Variants in RERG observed in about 807,000 individuals in gnomAD.
RERG encodes RAS like estrogen regulated growth inhibitor.
In RERG, 25 loss-of-function variants were observed where a neutral mutation model predicts 23.2. The ratio of observed to expected loss-of-function variants is 1.08; its 90% CI spans 0.79 to 1.50. The LOEUF (loss-of-function observed/expected upper bound fraction) is 1.50, where lower values mean the gene tolerates loss of function less well. Ranked by LOEUF, RERG falls within the 40% of genes most tolerant of loss-of-function variation. The pLI is 0.00. For missense variants in RERG, 253 were observed against 250.1 expected (o/e 1.01, Z -0.08); for synonymous variants, 81 against 89.1 (o/e 0.91, Z 0.51).
intron 4 of RERG, among the ~76,000 whole-genome samples, chr12:15,110,493 T>TTTTTTTTTTTA (rs1863591659): frequency 1.6e-5 from 2 of 126,190 alleles, no homozygotes; most frequent in African/African-American, 6.2e-5. Context: ...TTTTTTTTTT[T>TTTTTTTTTTTA]ACTGAGACGG....
At chr12:15,124,322 G>C (rs1315766827) in intron 2 of RERG, among the ~76,000 whole-genome samples, 1 of 151,976 alleles carries the variant, frequency 6.6e-6, no homozygotes. Flanking sequence ...GCCAGATTTA[G>C]TTTCAGAATA....
intron 2 of RERG, among the ~76,000 whole-genome samples, chr12:15,147,336 AC>A (rs778778588): frequency 1.3e-5 from 2 of 152,244 alleles, no homozygotes; most frequent in Admixed American, 6.5e-5. Context: ...CAGCAAAAAA[AC>A]ATTTTGTAAC....
intron 2 of RERG, among the ~76,000 whole-genome samples, chr12:15,210,772 T>C (rs1464575349): frequency 6.6e-6 from 1 of 152,140 alleles, no homozygotes; most frequent in Non-Finnish European, 1.5e-5. Flanking sequence ...CAAATTACAA[T>C]GGACTCATCT....
chr12:15,126,663 G>A (rs947244860), intron 2 of RERG, among the ~76,000 whole-genome samples: 1 of 150,840 alleles, frequency 6.6e-6, no homozygotes, highest in Non-Finnish European at 1.5e-5. Context: ...AAGGGGAAAA[G>A]AAACACATAT....
intron 2 of RERG, among the ~76,000 whole-genome samples, chr12:15,205,963 C>G (rs530215256): frequency 1.3e-5 from 2 of 152,094 alleles, no homozygotes; most frequent in South Asian, 4.1e-4. Flanking sequence ...TTATCTAAGA[C>G]TTAACTATAT....
intron 2 of RERG, among the ~76,000 whole-genome samples, chr12:15,126,863 G>T (rs956066363): frequency 6.6e-6 from 1 of 150,988 alleles, no homozygotes; most frequent in African/African-American, 2.4e-5. Flanking sequence ...GACTACAGGC[G>T]CAACCCGCCA....
intron 2 of RERG, among the ~76,000 whole-genome samples, chr12:15,165,968 C>G (rs953724023): frequency 6.6e-6 from 1 of 152,142 alleles, no homozygotes; most frequent in African/African-American, 2.4e-5. Context: ...CTAGGTACAC[C>G]TAGGTCACTA....
At chr12:15,149,385 C>CA (rs1273550383) in intron 2 of RERG, among the ~76,000 whole-genome samples, 2 of 151,512 alleles carry the variant, frequency 1.3e-5, no homozygotes, top group African/African-American at 4.9e-5. Context: ...TATTTAAAGC[C>CA]AAAAAAATGT....
intron 2 of RERG, among the ~76,000 whole-genome samples, chr12:15,142,559 T>A (rs889714405): frequency 6.6e-6 from 1 of 152,226 alleles, no homozygotes; most frequent in Non-Finnish European, 1.5e-5. Context: ...ATGGTTGATA[T>A]GGCTCATGCA....
intron 2 of RERG, among the ~76,000 whole-genome samples, chr12:15,212,977 G>T (rs527269876): frequency 2.0e-5 from 3 of 152,226 alleles, no homozygotes; most frequent in South Asian, 4.1e-4. Flanking sequence ...TTGTGCCACG[G>T]AAAAAAATAT....
chr12:15,206,867 C>T (rs1477259195), intron 2 of RERG, among the ~76,000 whole-genome samples: 2 of 152,076 alleles, frequency 1.3e-5, no homozygotes, highest in African/African-American at 4.8e-5. Flanking sequence ...CACTGTTAGG[C>T]ACTTTCTGTA....
intron 2 of RERG, among the ~76,000 whole-genome samples, chr12:15,214,756 A>AG (rs2136149961): frequency 6.6e-6 from 1 of 152,272 alleles, no homozygotes; most frequent in South Asian, 2.1e-4. Flanking sequence ...TCAAGGTGGG[A>AG]GGATCTCTTG....
intron 2 of RERG, among the ~76,000 whole-genome samples, chr12:15,145,916 T>C (rs576540547): frequency 6.6e-6 from 1 of 152,376 alleles, no homozygotes; most frequent in African/African-American, 2.4e-5. Context: ...ACAGTTGCTT[T>C]CCATGCCTAC....
At chr12:15,110,527 G>A (rs559484500) in intron 4 of RERG, among the ~76,000 whole-genome samples, 5 of 129,390 alleles carry the variant, frequency 3.9e-5, no homozygotes, top group Non-Finnish European at 6.2e-5. Context: ...CGCCCAGGCT[G>A]GAGTGCAGTG....
chr12:15,162,381 T>G (rs1178792840), intron 2 of RERG, among the ~76,000 whole-genome samples: 1 of 152,166 alleles, frequency 6.6e-6, no homozygotes, highest in African/African-American at 2.4e-5. Context: ...CTAAGAGGAC[T>G]GGGGAGAGCT....
chr12:15,127,037 C>T (rs754954456), intron 2 of RERG, among the ~76,000 whole-genome samples: 8 of 152,190 alleles, frequency 5.3e-5, no homozygotes, highest in Middle Eastern at 6.8e-3. Context: ...TTTCTACCTG[C>T]GGTATCTAAA....
At chr12:15,113,823 A>G (rs1366640558) in intron 3 of RERG, among the ~76,000 whole-genome samples, 2 of 152,076 alleles carry the variant, frequency 1.3e-5, no homozygotes, top group Non-Finnish European at 2.9e-5. Flanking sequence ...CTAGAATTTA[A>G]TGCAATTCAA....
intron 2 of RERG, among the ~76,000 whole-genome samples, chr12:15,134,626 A>G (rs1252348835): frequency 6.6e-6 from 1 of 151,886 alleles, no homozygotes; most frequent in East Asian, 1.9e-4. Flanking sequence ...TTTATTATAT[A>G]TATTTTTAGA....
intron 2 of RERG, among the ~76,000 whole-genome samples, chr12:15,173,667 A>G (rs1009313784): frequency 6.6e-6 from 1 of 151,884 alleles, no homozygotes; most frequent in African/African-American, 2.4e-5. Flanking sequence ...GTAATATTTT[A>G]TACTTTTCAT....
Sources: gnomAD v4.1 joint callset for allele counts (sites outside exome capture counted in the v4.1 genomes callset) on GRCh38, gnomAD v4.1.1 for gene constraint, MANE v1.5 for transcripts, NCBI Gene and HGNC (gene_info 2026-07-23, HGNC 2026-07-21) for gene names.